The following KICS2 variants were observed in gnomAD, a reference collection of about 807,000 sequenced individuals.
KICS2 encodes the protein KICSTOR subunit 2, also known as KICSTOR complex protein C12orf66.
KICS2 carries 13 observed loss-of-function variants against 31.4 expected under a neutral mutation model. That is an observed-to-expected ratio of 0.41 (90% confidence interval 0.27 to 0.66). KICS2 has a LOEUF of 0.66. Ranked by LOEUF, KICS2 falls within the 30% of genes least tolerant of loss-of-function variation. The probability of loss-of-function intolerance (pLI) is 0.28; values close to 1 mark genes in which losing one functional copy is unlikely to be tolerated. For synonymous variants in KICS2, 209 were observed against 214.8 expected (o/e 0.97, Z 0.24); for missense variants, 455 against 545.4 (o/e 0.83, Z 1.65).
At chr12:64,221,633 TA>T in intron 1 of KICS2, 1 of 314,116 alleles carries the variant, frequency 3.2e-6, no homozygotes. Flanking sequence ...GTAATAGAAC[TA>T]GGTTGTTTTG....
rs1299749346 is a variant in KICS2 at position 64,196,290 on chromosome 12, C to T, written c.522-1632G>A. ...ACTGCCTCCTCAAGTGGGTTCCTGA[C>T]CCCTGACCCCCGAGCAGCCTAACTG... On this transcript the variant is annotated intron_variant, in intron 2 of 2. Coordinates refer to ENST00000398055, the MANE Select transcript of KICS2 (RefSeq NM_152440.5). Among the ~76,000 whole-genome samples the T allele has an allele frequency of 5.9e-4, 26 of 44,314 alleles. 1 individual carries two copies. The highest frequency in any genetic ancestry group is 0.011 in the Middle Eastern group (1 of 92). 29.1% of individuals were successfully genotyped at this position (44,314 alleles called of 152,430 possible).
intron 2 of KICS2, among the ~76,000 whole-genome samples, chr12:64,206,615 T>C (rs567812766): frequency 6.6e-6 from 1 of 152,316 alleles, no homozygotes; most frequent in African/African-American, 2.4e-5. Context: ...ATGCTTAAAA[T>C]AGCTGAGAGG....
intron 2 of KICS2, among the ~76,000 whole-genome samples, chr12:64,214,832 C>G (rs1488185295): frequency 2.6e-5 from 4 of 151,772 alleles, no homozygotes; most frequent in Non-Finnish European, 5.9e-5. Flanking sequence ...TTAGTGGATG[C>G]CCTCCTCCAC....
chr12:64,212,665 G>A (rs979006888), intron 2 of KICS2, among the ~76,000 whole-genome samples: 2 of 152,082 alleles, frequency 1.3e-5, no homozygotes, highest in Non-Finnish European at 2.9e-5. Flanking sequence ...TTTACGTGTG[G>A]ACATATGTTT....
intron 1 of KICS2, among the ~76,000 whole-genome samples, chr12:64,220,117 A>G (rs2037666434): frequency 6.6e-6 from 1 of 152,258 alleles, no homozygotes; most frequent in Admixed American, 6.5e-5. Context: ...TACCATTTTC[A>G]GAATATTTAC....
At chr12:64,221,839 G>A (rs1007584986) in intron 1 of KICS2, 164 bp downstream of exon 1, 10 of 796,168 alleles carry the variant, frequency 1.3e-5, no homozygotes, top group South Asian at 1.8e-5. Context: ...CGGGGCTTGT[G>A]GAAGCCCAGG....
chr12:64,211,480 G>A (rs567166228), intron 2 of KICS2, among the ~76,000 whole-genome samples: 14 of 152,220 alleles, frequency 9.2e-5, no homozygotes, highest in African/African-American at 2.6e-4. Context: ...TTAGCCAGGC[G>A]TGGTGGCGCA....
intron 2 of KICS2, among the ~76,000 whole-genome samples, chr12:64,200,139 T>A (rs1315590956): frequency 7.6e-6 from 1 of 131,800 alleles, no homozygotes; most frequent in Non-Finnish European, 1.6e-5. Context: ...AGAGCCCGCA[T>A]CACCAAGTCA....
At chr12:64,211,559 C>T (rs74381773) in intron 2 of KICS2, among the ~76,000 whole-genome samples, 3 of 152,070 alleles carry the variant, frequency 2.0e-5, no homozygotes, top group South Asian at 2.1e-4. Context: ...GCGGAAGTTG[C>T]GGTGAGCCAA....
In KICS2 at chr12:64,193,917, G is replaced by T; in HGVS notation, c.1263C>A (p.Ser421=). ...KKSERDSHFI[S]FLNEVSLALK... is the part of the protein sequence containing the mutation. ...GGGCAAGTGAGACCTCATTGAGGAA[G>T]GAAATAAAGTGGGAGTCTCTCTCAG... is the stretch of plus-strand genomic sequence containing the variant. Residue 421 remains serine, a synonymous_variant, in exon 3 of 3, where the codon TCC becomes TCA. Transcript: ENST00000398055. The T allele has an allele frequency of 6.2e-7, 1 of 1,614,176 alleles. No homozygotes were observed. Among genetic ancestry groups the T allele is most frequent in the Non-Finnish European group, 8.5e-7 (1 of 1,180,026 alleles).
At chr12:64,201,778 G>T (rs1383346635) in intron 2 of KICS2, among the ~76,000 whole-genome samples, 3 of 151,892 alleles carry the variant, frequency 2.0e-5, no homozygotes, top group African/African-American at 7.2e-5. Context: ...GGGGTGGGGG[G>T]GCAAGGTTGC....
At chr12:64,218,376 C>T (rs909421053) in intron 1 of KICS2, among the ~76,000 whole-genome samples, 7 of 152,150 alleles carry the variant, frequency 4.6e-5, no homozygotes, top group Non-Finnish European at 1.0e-4. Flanking sequence ...GTGCAAACTA[C>T]TGAACCACTT....
intron 2 of KICS2, among the ~76,000 whole-genome samples, chr12:64,209,025 T>C (rs2037562728): frequency 6.6e-6 from 1 of 152,100 alleles, no homozygotes. Flanking sequence ...TAAAAAATTC[T>C]GCAGAATCAG....
chr12:64,209,646 G>A (rs1483074298), intron 2 of KICS2, among the ~76,000 whole-genome samples: 1 of 152,170 alleles, frequency 6.6e-6, no homozygotes, highest in Admixed American at 6.5e-5. Flanking sequence ...CCATTCTACT[G>A]TGAACACAAC....
intron 2 of KICS2, among the ~76,000 whole-genome samples, chr12:64,205,461 C>T (rs1057503540): frequency 6.6e-5 from 10 of 152,126 alleles, no homozygotes; most frequent in Non-Finnish European, 1.2e-4. Flanking sequence ...ATTCACAACT[C>T]GTATCATAGG....
chr12:64,211,661 C>T (rs551139336), intron 2 of KICS2, among the ~76,000 whole-genome samples: 6 of 151,978 alleles, frequency 3.9e-5, no homozygotes, highest in East Asian at 3.9e-4. Context: ...CTCTTAAAGA[C>T]GGGAACTAAG....
intron 1 of KICS2, among the ~76,000 whole-genome samples, chr12:64,217,419 T>C (rs369646405): frequency 1.3e-5 from 2 of 152,010 alleles, no homozygotes; most frequent in Admixed American, 1.3e-4. Flanking sequence ...AGAAGAAGAA[T>C]TGTCTTGGGG....
chr12:64,217,737 G>A (rs1384391847), intron 1 of KICS2, among the ~76,000 whole-genome samples: 1 of 151,884 alleles, frequency 6.6e-6, no homozygotes, highest in Non-Finnish European at 1.5e-5. Flanking sequence ...GGAGGCAGAG[G>A]CTGCAGCGAG....
At position 64,194,046 on chromosome 12, in the gene KICS2, C is replaced by T; in HGVS notation, c.1134G>A (p.Leu378=). The T allele has an allele frequency of 6.2e-7, 1 of 1,614,146 alleles. No homozygotes were observed. Among genetic ancestry groups the T allele is most frequent in the Non-Finnish European group, 8.5e-7 (1 of 1,180,044 alleles). ...MTDRTSDLNS[L]EKVVHFYDDK... ...CATCATAGAAGTGGACCACTTTCTC[C>T]AAGCTGTTCAGATCAGATGTGCGGT... is the stretch of plus-strand genomic sequence containing the variant. Residue 378 remains leucine, a synonymous_variant, in exon 3 of 3, where the codon TTG becomes TTA. Coordinates refer to ENST00000398055, the MANE Select transcript of KICS2 (RefSeq NM_152440.5).
Sources: gnomAD v4.1 joint callset for allele counts (sites outside exome capture counted in the v4.1 genomes callset) on GRCh38, gnomAD v4.1.1 for gene constraint, MANE v1.5 for transcripts, NCBI Gene and HGNC (gene_info 2026-07-23, HGNC 2026-07-21) for gene names.